Variants in PFKFB1 observed in about 807,000 individuals in gnomAD.
PFKFB1 encodes 6-phosphofructo-2-kinase/fructose-2,6-bisphosphatase 1.
A neutral mutation model predicts 46.4 loss-of-function variants in PFKFB1; 34 were observed. That is an observed-to-expected ratio of 0.73 (90% CI 0.56 to 0.98). The LOEUF is 0.98. PFKFB1 is among the 50% of genes least tolerant of loss of function. The pLI is 0.00. For missense variants in PFKFB1, 393 were observed against 376.3 expected, an observed-to-expected ratio of 1.04 and a Z score of -0.37; for synonymous variants, 119 against 133.8, an observed-to-expected ratio of 0.89 and a Z score of 0.76.
chrX:54,938,385 C>T (rs1169492989), intron 10 of PFKFB1, among the ~76,000 whole-genome samples: 2 of 112,160 alleles, frequency 1.8e-5, no homozygotes, highest in Non-Finnish European at 3.8e-5. Flanking sequence ...ATCAAATTCA[C>T]ACATAACAAT....
intron 6 of PFKFB1, among the ~76,000 whole-genome samples, chrX:54,958,001 C>A (rs1569546902): frequency 9.0e-6 from 1 of 111,602 alleles, no homozygotes; most frequent in Non-Finnish European, 1.9e-5. Context: ...CTTTTGGAAC[C>A]TCAGTTTCCT....
chrX:54,967,230 A>T (rs1185590627), intron 1 of PFKFB1, among the ~76,000 whole-genome samples: 1 of 112,590 alleles, frequency 8.9e-6, no homozygotes, highest in Middle Eastern at 4.2e-3. Context: ...ATTTCAATTA[A>T]CATGGAAAAA....
At chrX:54,993,765 A>G in intron 1 of PFKFB1, 146 bp downstream of exon 1, 1 of 816,145 alleles carries the variant, frequency 1.2e-6, no homozygotes, top group Non-Finnish European at 1.7e-6. Context: ...CGTTTTTGAC[A>G]CTAGCCTCTA....
rs1001255153 is a variant in PFKFB1, at chrX:54,937,711, A to G, written c.1112T>C (p.Leu371Pro). ...RYPKGESYED[L>P]VQRLEPVIME... The stretch of plus-strand genomic sequence containing the variant: ...TATCACTGGCTCCAGACGCTGAACC[A>G]GATCCTCATAGGACTAAACGTAAGA... The change falls in exon 11 of 14, where the codon CTG becomes CCG. Residue 371 changes from leucine to proline, a missense_variant. Leu to Pro is a moderately conservative substitution (Grantham distance 98). Coordinates refer to ENST00000375006, the MANE Select transcript of PFKFB1 (RefSeq NM_002625.4). The G allele has an allele frequency of 1.7e-6, 2 of 1,206,874 alleles. No homozygotes were observed. Among genetic ancestry groups the G allele is most frequent in the Admixed American group, 2.2e-5 (1 of 45,695 alleles).
chrX:54,936,822 G>A (rs999655735), intron 11 of PFKFB1, among the ~76,000 whole-genome samples: 1 of 111,570 alleles, frequency 9.0e-6, no homozygotes, highest in Admixed American at 9.5e-5. Context: ...AACTAGCATC[G>A]TAGAAAAGAT....
At chrX:54,967,120 C>A (rs1321808055) in intron 1 of PFKFB1, among the ~76,000 whole-genome samples, 1 of 111,553 alleles carries the variant, frequency 9.0e-6, no homozygotes, top group Non-Finnish European at 1.9e-5. Context: ...AAAATATAGA[C>A]CTTCTCCATA....
intron 7 of PFKFB1, among the ~76,000 whole-genome samples, chrX:54,954,552 T>C (rs757743405): frequency 8.9e-6 from 1 of 112,119 alleles, no homozygotes; most frequent in East Asian, 2.8e-4. Context: ...GTTTTTAAGA[T>C]AGTTTTTTTT....
intron 1 of PFKFB1, among the ~76,000 whole-genome samples, chrX:54,976,180 G>A (rs992759464): frequency 2.7e-5 from 3 of 110,900 alleles, no homozygotes; most frequent in African/African-American, 9.8e-5. Flanking sequence ...TTTTATCTGT[G>A]AAAGACACAA....
intron 11 of PFKFB1, 47 bp from the exon 12 acceptor site, chrX:54,935,056 G>A: frequency 1.0e-6 from 1 of 995,881 alleles, no homozygotes; most frequent in Non-Finnish European, 1.4e-6. Flanking sequence ...TGCTGGCCAG[G>A]ACACAGCCTC....
rs1459775976 is a variant in PFKFB1 at position 54,994,021 on chromosome X, C to A, written c.-14G>T. On this transcript the variant is annotated 5_prime_UTR_variant, in exon 1 of 14. Coordinates refer to ENST00000375006, the MANE Select transcript of PFKFB1 (RefSeq NM_002625.4). ...CTCTGGAGACATCTTAGGAGTCGCA[C>A]CGAATGACATCACTGCCCACAAGGT... 1.9e-5 allele frequency: 23 copies of A among 1,191,639 alleles called. No individual in the cohort carries two copies. The highest frequency in any genetic ancestry group is 6.9e-5 in the Admixed American group (3 of 43,322).
At chrX:54,968,966 C>A (rs936277163) in intron 1 of PFKFB1, among the ~76,000 whole-genome samples, 6 of 110,998 alleles carry the variant, frequency 5.4e-5, no homozygotes, top group Non-Finnish European at 1.1e-4. Context: ...ACATAAGAAT[C>A]CTAAAAAAAT....
intron 1 of PFKFB1, among the ~76,000 whole-genome samples, chrX:54,969,484 C>T (rs950332958): frequency 2.4e-4 from 27 of 111,778 alleles, no homozygotes; most frequent in African/African-American, 8.1e-4. Flanking sequence ...AATCTCTGTT[C>T]TTTATAAATT....
intron 7 of PFKFB1, among the ~76,000 whole-genome samples, chrX:54,954,278 C>A (rs932007595): frequency 9.0e-6 from 1 of 111,382 alleles, no homozygotes; most frequent in Admixed American, 9.5e-5. Context: ...CTTTGGGAGG[C>A]CAAGGCGGGC....
At position 54,934,957 on chromosome X, in the gene PFKFB1, A is replaced by G. The variant is rs759001185; in HGVS notation, c.1281T>C (p.Pro427=). Residue 427 remains proline (P), a synonymous_variant, in exon 12 of 14, where the codon CCT becomes CCC. Transcript: ENST00000375006. The part of the protein sequence containing the change: ...CPLHTVLKLT[P]VAYGCKVESI... ...GGTGGGAGTACTTACCATAAGCCACAGGAGTGAGTTTGAGCACTGTGTGCA... is the reference window on the plus strand; with the variant it reads ...GGTGGGAGTACTTACCATAAGCCACGGGAGTGAGTTTGAGCACTGTGTGCA... 9 of 1,203,291 alleles carry G rather than the reference A, an allele frequency of 7.5e-6. No homozygotes were observed. The African/African-American group carries it at 1.2e-4, about 16-fold the overall frequency.
In PFKFB1 at chrX:54,959,935, C is replaced by T. The variant is rs886254529; in HGVS notation, c.318-42G>A. 8.4e-6 allele frequency: 8 copies of T among 954,147 alleles called. No homozygotes were observed. In the Admixed American group the frequency reaches 1.9e-4, roughly 22 times the overall value. 78.6% of individuals were successfully genotyped at this position (954,147 alleles called of 1,213,427 possible). A position where few individuals can be genotyped will look rare whatever the true frequency, so the allele number is the denominator to read the frequency against. ...AAGAAAAAGAGGCAACCCTTATCCC[C>T]CAGGATGGATTTCTCTCTCATTGTC... On this transcript the variant is annotated intron_variant, in intron 3 of 13. Coordinates refer to ENST00000375006, the MANE Select transcript of PFKFB1 (RefSeq NM_002625.4).
chrX:54,950,207 A>C (rs1365389952), intron 8 of PFKFB1, among the ~76,000 whole-genome samples: 4 of 112,201 alleles, frequency 3.6e-5, no homozygotes, highest in Non-Finnish European at 7.5e-5. Flanking sequence ...TCATACATAC[A>C]TTTCATTATG....
chrX:54,998,340 A>G, upstream of PFKFB1: 1 of 997,338 alleles, frequency 1.0e-6, no homozygotes, highest in Non-Finnish European at 1.4e-6. Context: ...AAAACTTTCC[A>G]GAGGGCCTGA....
At chrX:54,977,621 T>C (rs935421486) in intron 1 of PFKFB1, among the ~76,000 whole-genome samples, 14 of 111,045 alleles carry the variant, frequency 1.3e-4, no homozygotes, top group African/African-American at 4.6e-4. Context: ...CGGGTTAGCA[T>C]GCACACAAAT....
intron 13 of PFKFB1, 110 bp from the exon 14 acceptor site, chrX:54,933,572 A>T (rs1933290250): frequency 3.0e-6 from 2 of 668,107 alleles, no homozygotes; most frequent in Admixed American, 5.4e-5. Context: ...CCAGGCCCGG[A>T]TCCTGACCCT....
Sources: gnomAD v4.1 joint callset for allele counts (sites outside exome capture counted in the v4.1 genomes callset) on GRCh38, gnomAD v4.1.1 for gene constraint, MANE v1.5 for transcripts, NCBI Gene and HGNC (gene_info 2026-07-23, HGNC 2026-07-21) for gene names.